The following PALLD variants were observed in gnomAD, a reference collection of about 807,000 sequenced individuals.
PALLD encodes palladin, cytoskeletal associated protein, also known as palladin.
PALLD carries 61 observed loss-of-function variants against 123.5 expected under a neutral mutation model. The observed-to-expected ratio is 0.49, with a 90% confidence interval of 0.40 to 0.61. The LOEUF (loss-of-function observed/expected upper bound fraction) is 0.61, where lower values mean the gene tolerates loss of function less well. PALLD is among the 20% of genes least tolerant of loss of function. The pLI, the probability that PALLD is intolerant of heterozygous loss-of-function variation, is 0.00. For missense variants in PALLD, 1,273 were observed against 1,377.0 expected (o/e 0.92, Z 1.20); for synonymous variants, 465 against 496.4 (o/e 0.94, Z 0.84).
At chr4:168,578,442 C>G (rs113202780) in intron 2 of PALLD, among the ~76,000 whole-genome samples, 6,205 of 152,042 alleles carry the variant, frequency 0.041, 202 homozygotes, top group South Asian at 0.13. Context: ...GCTTTTCCCC[C>G]CTTTTGCGCG....
chr4:168,886,677 TTC>T (rs1220016185), intron 10 of PALLD, among the ~76,000 whole-genome samples: 1 of 152,176 alleles, frequency 6.6e-6, no homozygotes, highest in Non-Finnish European at 1.5e-5. Context: ...TTATTTTTAT[TTC>T]TGTGTTAATT....
chr4:168,907,840 G>GA (rs140317565), intron 15 of PALLD, among the ~76,000 whole-genome samples: 40 of 147,642 alleles, frequency 2.7e-4, no homozygotes, highest in African/African-American at 7.2e-4. Flanking sequence ...ATCAAAAGGA[G>GA]AAAAAAAAAA....
chr4:168,839,059 C>T (rs1458208618), intron 10 of PALLD, among the ~76,000 whole-genome samples: 3 of 152,010 alleles, frequency 2.0e-5, no homozygotes, highest in African/African-American at 4.8e-5. Context: ...CTCAAGTGAT[C>T]CTCCCACCTC....
At chr4:168,564,127 G>A (rs1768128595) in intron 2 of PALLD, among the ~76,000 whole-genome samples, 1 of 152,150 alleles carries the variant, frequency 6.6e-6, no homozygotes. Context: ...CCTTTACTAT[G>A]ACATTATCAT....
intron 10 of PALLD, among the ~76,000 whole-genome samples, chr4:168,889,920 C>A (rs1395190068): frequency 6.6e-6 from 1 of 152,196 alleles, no homozygotes; most frequent in African/African-American, 2.4e-5. Flanking sequence ...TTGCTTTTGC[C>A]TGTTTATAAA....
At position 168,889,138 on chromosome 4, in the gene PALLD, T is replaced by TTGTGTG. The variant is rs143065658; in HGVS notation, c.1965-1761_1965-1756dup. Among the ~76,000 whole-genome samples the TTGTGTG allele has an allele frequency of 8.1e-3, 1,074 of 132,242 alleles. 6 individuals are homozygous for TTGTGTG. Among genetic ancestry groups the TTGTGTG allele is most frequent in the African/African-American group, 0.019 (688 of 35,806 alleles). 86.8% of individuals were successfully genotyped at this position (132,242 alleles called of 152,430 possible). A position where few individuals can be genotyped will look rare whatever the true frequency, so the allele number is the denominator to read the frequency against. On this transcript the variant is annotated intron_variant, in intron 10 of 21. Coordinates refer to ENST00000505667, the MANE Select transcript of PALLD (RefSeq NM_001166108.2). The stretch of plus-strand genomic sequence containing the variant: ...TAAAGTTTTGTTTGTTTGCTTTATT[T>TTGTGTG]TGTGTGTGTGTGTGTGTGTGTGTGT...
At chr4:168,726,050 C>T (rs115860245) in intron 10 of PALLD, among the ~76,000 whole-genome samples, 63 of 152,240 alleles carry the variant, frequency 4.1e-4, no homozygotes, top group African/African-American at 1.5e-3. Flanking sequence ...AACAATTTTA[C>T]ACAGATAGGA....
At chr4:168,899,176 A>AG (rs1373274049) in intron 14 of PALLD, among the ~76,000 whole-genome samples, 3 of 152,174 alleles carry the variant, frequency 2.0e-5, no homozygotes, top group Non-Finnish European at 2.9e-5. Flanking sequence ...ATATTTACAG[A>AG]GGGAGGTGGG....
chr4:168,706,064 A>G (rs1274806362), intron 8 of PALLD, among the ~76,000 whole-genome samples: 1 of 152,204 alleles, frequency 6.6e-6, no homozygotes, highest in Non-Finnish European at 1.5e-5. Flanking sequence ...TATACACTAC[A>G]GTATTGTTAA....
intron 8 of PALLD, among the ~76,000 whole-genome samples, chr4:168,704,630 C>T (rs1369100065): frequency 7.0e-6 from 1 of 142,728 alleles, no homozygotes; most frequent in Non-Finnish European, 1.5e-5. Flanking sequence ...CGCCACTGCA[C>T]CTCCAGCCTG....
intron 10 of PALLD, among the ~76,000 whole-genome samples, chr4:168,756,908 G>A (rs536693484): frequency 1.3e-5 from 2 of 152,286 alleles, no homozygotes; most frequent in East Asian, 1.9e-4. Flanking sequence ...ATTAGAGGCC[G>A]AAGGTGAAAA....
chr4:168,566,608 A>G (rs1405483158), intron 2 of PALLD, among the ~76,000 whole-genome samples: 1 of 152,052 alleles, frequency 6.6e-6, no homozygotes, highest in East Asian at 1.9e-4. Flanking sequence ...ATCTCCACAT[A>G]TTTATGTCAT....
At chr4:168,819,160 G>C (rs2150783396) in intron 10 of PALLD, among the ~76,000 whole-genome samples, 2 of 152,282 alleles carry the variant, frequency 1.3e-5, no homozygotes, top group Non-Finnish European at 2.9e-5. Context: ...AATAGACTTT[G>C]CCATTTACAG....
intron 2 of PALLD, among the ~76,000 whole-genome samples, chr4:168,565,021 A>G (rs1768228340): frequency 8.0e-6 from 1 of 125,010 alleles, no homozygotes; most frequent in Non-Finnish European, 1.7e-5. Context: ...CCCCATCTCT[A>G]CCAAAAAAAA....
At chr4:168,827,519 C>T (rs1743580467) in intron 10 of PALLD, among the ~76,000 whole-genome samples, 1 of 152,210 alleles carries the variant, frequency 6.6e-6, no homozygotes, top group African/African-American at 2.4e-5. Flanking sequence ...GGACTAAAAG[C>T]TGATCTTAAG....
intron 10 of PALLD, among the ~76,000 whole-genome samples, chr4:168,716,873 C>T (rs977703713): frequency 2.6e-5 from 4 of 152,098 alleles, no homozygotes; most frequent in Admixed American, 1.3e-4. Context: ...GATGGGTTTC[C>T]TCCACACTCC....
chr4:168,547,904 C>G (rs1430004017), intron 2 of PALLD, among the ~76,000 whole-genome samples: 1 of 146,324 alleles, frequency 6.8e-6, no homozygotes, highest in African/African-American at 2.5e-5. Context: ...CGTGATCGTG[C>G]CACTGCACTC....
At chr4:168,883,284 T>G (rs1359155569) in intron 10 of PALLD, among the ~76,000 whole-genome samples, 1 of 152,228 alleles carries the variant, frequency 6.6e-6, no homozygotes, top group African/African-American at 2.4e-5. Context: ...ACAGAATTGA[T>G]ATACAAAAGC....
chr4:168,818,256 A>C (rs7349731), intron 10 of PALLD, among the ~76,000 whole-genome samples: 86,176 of 151,882 alleles, frequency 0.57, 24,875 homozygotes, highest in Non-Finnish European at 0.64. Context: ...CCAATGCTTC[A>C]CTAGTTGACT....
Sources: gnomAD v4.1 joint callset for allele counts (sites outside exome capture counted in the v4.1 genomes callset) on GRCh38, gnomAD v4.1.1 for gene constraint, MANE v1.5 for transcripts, NCBI Gene and HGNC (gene_info 2026-07-23, HGNC 2026-07-21) for gene names.